PCDHA1: variants seen among roughly 807,000 people sequenced by gnomAD.
PCDHA1 encodes the protein protocadherin alpha 1, also known as protocadherin alpha-1.
PCDHA1 carries 42 observed loss-of-function variants against 61.3 expected under a neutral mutation model. The observed-to-expected ratio is 0.69, with a 90% confidence interval of 0.54 to 0.89. PCDHA1 has a LOEUF of 0.89. PCDHA1 is among the 40% of genes least tolerant of loss of function. The pLI is 0.00. For synonymous variants in PCDHA1, 610 were observed against 553.8 expected (o/e 1.10, Z -1.43); for missense variants, 1,256 against 1,235.3 (o/e 1.02, Z -0.25).
chr5:140,848,513 A>T, intron 1 of PCDHA1: 2 of 1,590,760 alleles, frequency 1.3e-6, no homozygotes, highest in Non-Finnish European at 1.7e-6. Context: ...ACTCAAGTCG[A>T]GGAGATCCAG....
intron 1 of PCDHA1, among the ~76,000 whole-genome samples, chr5:140,921,435 A>G (rs997660613): frequency 6.6e-6 from 1 of 152,120 alleles, no homozygotes. Context: ...ATTTTCTTCA[A>G]TGGTGTCTGA....
chr5:140,835,158 A>G, intron 1 of PCDHA1: 1 of 1,455,544 alleles, frequency 6.9e-7, no homozygotes, highest in Non-Finnish European at 9.3e-7. Context: ...TTCTATCGGA[A>G]CGCTGGTGAT....
At chr5:140,870,870 G>T in intron 1 of PCDHA1, 1 of 1,613,948 alleles carries the variant, frequency 6.2e-7, no homozygotes, top group African/African-American at 1.3e-5. Flanking sequence ...CGGGCCACGT[G>T]GTGGCGAAGG....
At chr5:140,894,989 C>T (rs1446674371) in intron 1 of PCDHA1, among the ~76,000 whole-genome samples, 2 of 152,110 alleles carry the variant, frequency 1.3e-5, no homozygotes, top group Non-Finnish European at 2.9e-5. Context: ...TTGTGACATC[C>T]TTTACCCTTT....
intron 1 of PCDHA1, among the ~76,000 whole-genome samples, chr5:140,920,387 A>C (rs1163833842): frequency 6.6e-6 from 1 of 152,216 alleles, no homozygotes; most frequent in East Asian, 1.9e-4. Flanking sequence ...TCATATTACC[A>C]TCTGGTGTCT....
In PCDHA1 at chr5:140,875,915, T is replaced by G. The variant is rs782225928; in HGVS notation, c.2394+87231T>G. On this transcript the variant is annotated intron_variant, in intron 1 of 3. Transcript: ENST00000504120. Reference sequence around the variant, plus strand: ...GTACCTGTTTCTGAATCTGCGCCTCTGGACTCTCATTTTCCTCTAGAGGGC... The same window carrying G: ...GTACCTGTTTCTGAATCTGCGCCTCGGGACTCTCATTTTCCTCTAGAGGGC... 3.7e-6 allele frequency: 6 copies of G among 1,614,096 alleles called. No homozygotes were observed. In the African/African-American group the frequency reaches 6.7e-5, roughly 18 times the overall value.
chr5:140,828,250 G>C, intron 1 of PCDHA1: 2 of 1,613,982 alleles, frequency 1.2e-6, no homozygotes, highest in Non-Finnish European at 1.7e-6. Context: ...AGGACCTGGG[G>C]CTGGAGCTGG....
At chr5:140,839,764 G>A (rs893515240) in intron 1 of PCDHA1, among the ~76,000 whole-genome samples, 1 of 151,822 alleles carries the variant, frequency 6.6e-6, no homozygotes, top group South Asian at 2.1e-4. Flanking sequence ...TTTAACCTAC[G>A]TTTTTGGTAA....
At chr5:140,997,510 C>T (rs536611731) in intron 3 of PCDHA1, among the ~76,000 whole-genome samples, 60 of 152,102 alleles carry the variant, frequency 3.9e-4, no homozygotes, top group Non-Finnish European at 6.9e-4. Context: ...CATACCTAAA[C>T]GCAGAAAAAG....
chr5:140,822,395 A>G (rs2150116000), intron 1 of PCDHA1: 1 of 1,614,144 alleles, frequency 6.2e-7, no homozygotes, highest in South Asian at 1.1e-5. Flanking sequence ...ACACAAGAAC[A>G]CCGTTTATTA....
intron 1 of PCDHA1, chr5:140,805,064 G>A (rs1554123216): frequency 6.3e-7 from 1 of 1,592,792 alleles, no homozygotes; most frequent in Admixed American, 1.7e-5. Flanking sequence ...TCCCAGATAT[G>A]GAACTTCAAT....
chr5:140,869,407 T>C, intron 1 of PCDHA1: 3 of 1,614,120 alleles, frequency 1.9e-6, no homozygotes, highest in Non-Finnish European at 2.5e-6. Context: ...GAGCGCGGAG[T>C]GCAGCATCCA....
chr5:140,870,898 G>A (rs781950776), intron 1 of PCDHA1: 124 of 1,613,858 alleles, frequency 7.7e-5, no homozygotes, highest in Non-Finnish European at 1.0e-4. Flanking sequence ...AGTGGATGCG[G>A]ACTCAGGCTA....
At chr5:140,807,563 A>C (rs200997832) in intron 1 of PCDHA1, 44 of 1,614,076 alleles carry the variant, frequency 2.7e-5, no homozygotes, top group Non-Finnish European at 3.6e-5. Context: ...GGTGAGGGAC[A>C]TTAACGATAA....
At chr5:140,805,140 A>G (rs782367135) in intron 1 of PCDHA1, 2 of 1,571,686 alleles carry the variant, frequency 1.3e-6, no homozygotes, top group Non-Finnish European at 1.7e-6. Context: ...CATTTTGAAG[A>G]CTTTGGAATT....
At chr5:140,834,787 C>A (rs2150226563) in intron 1 of PCDHA1, 5 of 1,613,542 alleles carry the variant, frequency 3.1e-6, no homozygotes, top group East Asian at 2.2e-5. Context: ...GTGTTCCCAG[C>A]GACACAAAGG....
rs762916391 is a variant in PCDHA1, at chr5:140,927,929, C to T, written c.2395-51020C>T. 13 of 1,614,090 alleles carry T rather than the reference C, an allele frequency of 8.1e-6. No homozygotes were observed. The highest frequency in any genetic ancestry group is 5.0e-5 in the Admixed American group (3 of 60,008). ...CCCGAACTGGACTTCCTGACTCTTT[C>T]GAACCCAGTACCTGAGGACGCTGCC... On this transcript the variant is annotated intron_variant, in intron 1 of 3. Transcript: ENST00000504120.
intron 1 of PCDHA1, chr5:140,834,464 G>A (rs2150218984): frequency 2.5e-6 from 4 of 1,614,188 alleles, no homozygotes; most frequent in East Asian, 4.5e-5. Context: ...GGGAGGCAGG[G>A]AGAGGCCAGC....
At chr5:140,960,279 T>A (rs1220391317) in intron 1 of PCDHA1, among the ~76,000 whole-genome samples, 1 of 152,216 alleles carries the variant, frequency 6.6e-6, no homozygotes, top group African/African-American at 2.4e-5. Flanking sequence ...GTCACCTTTT[T>A]GGGACCCAGT....
Sources: allele counts gnomAD v4.1 joint callset (sites outside exome capture counted in the v4.1 genomes callset), GRCh38; gene constraint gnomAD v4.1.1; transcripts MANE v1.5; gene names NCBI Gene and HGNC (gene_info 2026-07-23, HGNC 2026-07-21).